Variants in HMCN1 observed in about 807,000 individuals in gnomAD.
The protein encoded by HMCN1 is hemicentin 1.
In HMCN1, 321 loss-of-function variants were observed where a neutral mutation model predicts 625.9. That is an observed-to-expected ratio of 0.51 (90% confidence interval 0.47 to 0.56). The LOEUF (loss-of-function observed/expected upper bound fraction) is 0.56. Ranked by LOEUF, HMCN1 falls within the 20% of genes least tolerant of loss-of-function variation. The pLI is 0.00. For synonymous variants in HMCN1, 2,425 were observed against 2,417.6 expected, an observed-to-expected ratio of 1.00 and a Z score of -0.09; for missense variants, 6,588 against 6,887.3, an observed-to-expected ratio of 0.96 and a Z score of 1.54.
chr1:186,171,833 A>G (rs1354122008), intron 101 of HMCN1, among the ~76,000 whole-genome samples, 173 bp from the exon 102 acceptor site: 1 of 152,156 alleles, frequency 6.6e-6, no homozygotes, highest in Non-Finnish European at 1.5e-5. Flanking sequence ...GATTTTTATT[A>G]TATTTTAAAG....
intron 1 of HMCN1, among the ~76,000 whole-genome samples, chr1:185,801,192 A>T (rs1040256246): frequency 6.6e-6 from 1 of 152,244 alleles, no homozygotes; most frequent in Non-Finnish European, 1.5e-5. Context: ...TTGCATAGTT[A>T]GGGTTTGGTC....
chr1:185,875,508 G>C (rs187935643), intron 4 of HMCN1, among the ~76,000 whole-genome samples: 1 of 152,030 alleles, frequency 6.6e-6, no homozygotes, highest in Non-Finnish European at 1.5e-5. Flanking sequence ...TCTTCCTTAA[G>C]TACAGGCCTT....
At chr1:185,841,184 G>A (rs1237682993) in intron 1 of HMCN1, among the ~76,000 whole-genome samples, 1 of 152,114 alleles carries the variant, frequency 6.6e-6, no homozygotes, top group Non-Finnish European at 1.5e-5. Flanking sequence ...AAATCACTAG[G>A]AAATGGGAAA....
At chr1:185,997,290 G>A in intron 24 of HMCN1, 139 bp from the exon 25 acceptor site, 2 of 692,950 alleles carry the variant, frequency 2.9e-6, no homozygotes, top group South Asian at 3.2e-5. Context: ...GAAATGTTTG[G>A]CAACTGGAAA....
intron 71 of HMCN1, among the ~76,000 whole-genome samples, chr1:186,110,440 C>A (rs867702537): frequency 6.6e-6 from 1 of 152,016 alleles, no homozygotes; most frequent in Admixed American, 6.6e-5. Context: ...GTGGAGGGGG[C>A]GGTGGTTAAC....
rs1652341917 is a variant in HMCN1, at chr1:185,990,406, G to A, written c.3340G>A (p.Ala1114Thr). ...CTTACCTCCACCCATAATTACTTGGGCCAAAGAAACCCAGCTCATCTCACC... is the reference window on the plus strand; with the variant it reads ...CTTACCTCCACCCATAATTACTTGGACCAAAGAAACCCAGCTCATCTCACC... ...KSLPPPIITW[A>T]KETQLISPFS... The change falls in exon 22 of 107, where the codon GCC becomes ACC. Residue 1114 changes from alanine (A) to threonine (T), a missense_variant. By Grantham distance (58) the Ala-to-Thr change is moderately conservative. This residue lies in a region of HMCN1 where 4,628 missense variants were observed against 4,853.1 expected (regional missense o/e 0.95). Coordinates refer to ENST00000271588, the MANE Select transcript of HMCN1 (RefSeq NM_031935.3). 1.2e-6 allele frequency: 2 copies of A among 1,613,920 alleles called. No individual in the cohort carries two copies. The highest frequency in any genetic ancestry group is 2.2e-5 in the East Asian group (1 of 44,874).
chr1:185,856,824 A>C (rs1490398614), intron 2 of HMCN1, among the ~76,000 whole-genome samples: 2 of 152,220 alleles, frequency 1.3e-5, no homozygotes, highest in Non-Finnish European at 2.9e-5. Flanking sequence ...GAAGAATTGA[A>C]ATAGGTTGAC....
intron 71 of HMCN1, among the ~76,000 whole-genome samples, chr1:186,111,643 C>T (rs1660894086): frequency 2.0e-5 from 3 of 151,736 alleles, no homozygotes; most frequent in Admixed American, 2.0e-4. Context: ...GAATCTGTCT[C>T]TTAAGAAAAA....
In HMCN1 at chr1:186,108,457, C is replaced by A. The variant is rs749032854; in HGVS notation, c.10853-4C>A. ...GCTTTTGTTGTATTTGTTCTCACAC[C>A]CAGTACCTCCTAATATTGCTGGAAC... is the stretch of plus-strand genomic sequence containing the variant. On this transcript the variant is annotated splice_polypyrimidine_tract_variant and splice_region_variant and intron_variant, in intron 70 of 106. Transcript: ENST00000271588. 1.2e-6 allele frequency: 2 copies of A among 1,613,844 alleles called. No homozygotes were observed. The highest frequency in any genetic ancestry group is 1.7e-6 in the Non-Finnish European group (2 of 1,179,970).
intron 1 of HMCN1, among the ~76,000 whole-genome samples, chr1:185,781,571 G>T (rs1050617291): frequency 1.3e-5 from 2 of 152,144 alleles, no homozygotes; most frequent in African/African-American, 4.8e-5. Context: ...TGGTTTCAAA[G>T]AACATATTTA....
At chr1:185,830,359 T>A (rs1246329621) in intron 1 of HMCN1, among the ~76,000 whole-genome samples, 1 of 152,216 alleles carries the variant, frequency 6.6e-6, no homozygotes. Flanking sequence ...CTAGGTTTTC[T>A]TCTAGGGTTT....
At chr1:186,123,257 A>C in intron 81 of HMCN1, 37 bp downstream of exon 81, 1 of 1,594,930 alleles carries the variant, frequency 6.3e-7, no homozygotes, top group Non-Finnish European at 8.6e-7. Flanking sequence ...AGTCTGCTGC[A>C]CTACCATGGC....
intron 2 of HMCN1, among the ~76,000 whole-genome samples, chr1:185,849,869 G>A (rs1391421808): frequency 6.7e-6 from 1 of 149,794 alleles, no homozygotes; most frequent in African/African-American, 2.5e-5. Flanking sequence ...TTATACCACG[G>A]CATTTTTTCA....
chr1:186,042,927 G>A (rs1475231453), intron 40 of HMCN1, among the ~76,000 whole-genome samples: 1 of 152,006 alleles, frequency 6.6e-6, no homozygotes, highest in Non-Finnish European at 1.5e-5. Flanking sequence ...GTAGATAGTA[G>A]GCAAAATAGC....
chr1:186,108,620 C>G lies in HMCN1; in HGVS notation c.10989+23C>G, dbSNP rs367714871. 4 of 1,613,734 alleles carry G rather than the reference C, an allele frequency of 2.5e-6. No homozygotes were observed. In the African/African-American group the frequency reaches 5.3e-5, roughly 22 times the overall value. ...CAGGTAAATTTTTTGATAAGCTCCACAAATTCCTTTTTGAGATGAAAAAAG... is the reference window on the plus strand; with the variant it reads ...CAGGTAAATTTTTTGATAAGCTCCAGAAATTCCTTTTTGAGATGAAAAAAG... On this transcript the variant is annotated intron_variant, in intron 71 of 106. Coordinates refer to ENST00000271588, the MANE Select transcript of HMCN1 (RefSeq NM_031935.3).
intron 4 of HMCN1, among the ~76,000 whole-genome samples, chr1:185,902,405 C>CTCTATCTATCTA (rs57523158): frequency 1.6e-4 from 23 of 145,356 alleles, no homozygotes; most frequent in East Asian, 4.0e-4. Context: ...ATCTATCTAT[C>CTCTATCTATCTA]TCTATCTATC....
intron 103 of HMCN1, among the ~76,000 whole-genome samples, chr1:186,178,009 C>T (rs1473596604): frequency 2.0e-5 from 3 of 151,858 alleles, no homozygotes; most frequent in African/African-American, 4.8e-5. Context: ...CTTAGAATTA[C>T]GTGTAAAAAT....
intron 4 of HMCN1, among the ~76,000 whole-genome samples, chr1:185,880,590 A>G (rs563325344): frequency 1.3e-5 from 2 of 152,314 alleles, no homozygotes; most frequent in African/African-American, 4.8e-5. Flanking sequence ...GTATAATAAT[A>G]ACAATGCATT....
intron 13 of HMCN1, among the ~76,000 whole-genome samples, chr1:185,964,709 CA>C (rs1302389095): frequency 4.6e-5 from 7 of 151,918 alleles, no homozygotes; most frequent in African/African-American, 7.2e-5. Flanking sequence ...GGGAGGTTGG[CA>C]GAGGGGAAGA....
Sources: gnomAD v4.1 joint callset for allele counts (sites outside exome capture counted in the v4.1 genomes callset) on GRCh38, gnomAD v4.1.1 for gene constraint, gnomAD v4.1.1 regional missense constraint, MANE v1.5 for transcripts, NCBI Gene and HGNC (gene_info 2026-07-23, HGNC 2026-07-21) for gene names.